The following SNCAIP variants were observed in gnomAD, a reference collection of about 807,000 sequenced individuals.
SNCAIP encodes synphilin-1.
In SNCAIP, 43 loss-of-function variants were observed where a neutral mutation model predicts 86.7. The observed-to-expected ratio is 0.50, with a 90% confidence interval of 0.39 to 0.64. The LOEUF is 0.64. SNCAIP is among the 30% of genes least tolerant of loss of function. SNCAIP has a pLI of 0.00. For synonymous variants in SNCAIP, 417 were observed against 427.2 expected, an observed-to-expected ratio of 0.98 and a Z score of 0.29; for missense variants, 981 against 1,103.1, an observed-to-expected ratio of 0.89 and a Z score of 1.57.
chr5:122,452,903 A>G (rs1783998787), intron 10 of SNCAIP: 1 of 1,505,316 alleles, frequency 6.6e-7, no homozygotes, highest in African/African-American at 1.4e-5. Context: ...TTTTCAGATG[A>G]TTTTTAATTG....
At chr5:122,386,715 C>T (rs1338169363) in intron 1 of SNCAIP, among the ~76,000 whole-genome samples, 3 of 152,080 alleles carry the variant, frequency 2.0e-5, no homozygotes, top group Non-Finnish European at 2.9e-5. Flanking sequence ...TCTTCTTTCC[C>T]TCTCTATCAG....
chr5:122,450,212 A>G (rs1208704537), intron 9 of SNCAIP, among the ~76,000 whole-genome samples: 1 of 152,144 alleles, frequency 6.6e-6, no homozygotes, highest in African/African-American at 2.4e-5. Context: ...TTCATCTGTG[A>G]AGTGGGAATA....
chr5:122,428,574 T>G lies in SNCAIP; in HGVS notation c.1182+3043T>G, dbSNP rs536246896. On this transcript the variant is annotated intron_variant, in intron 5 of 10. Coordinates refer to ENST00000261368, the MANE Select transcript of SNCAIP (RefSeq NM_005460.4). The stretch of plus-strand genomic sequence containing the variant: ...ATGAAACAAGTCTCAATAAGTTTTT[T>G]TTTTTTTACCTTTTATTTTTATTTA... Among the ~76,000 whole-genome samples the G allele has an allele frequency of 1.9e-3, 291 of 151,994 alleles. 2 individuals are homozygous for G. The highest frequency in any genetic ancestry group is 6.7e-3 in the African/African-American group (279 of 41,502).
At chr5:122,461,713 C>G (rs1367013624) in intron 10 of SNCAIP, among the ~76,000 whole-genome samples, 1 of 141,420 alleles carries the variant, frequency 7.1e-6, no homozygotes. Context: ...GAGTCTTGCT[C>G]TGTCACCCAG....
intron 3 of SNCAIP, among the ~76,000 whole-genome samples, chr5:122,414,191 G>A (rs902551642): frequency 1.3e-5 from 2 of 151,782 alleles, no homozygotes; most frequent in African/African-American, 4.8e-5. Flanking sequence ...TGACAGGTCT[G>A]AGCCAGTGCG....
rs1383958811 is a variant in SNCAIP at position 122,451,552 on chromosome 5, A to T, written c.2705A>T (p.Asp902Val). ...TTGACCTCACTTGGGAGGAAGACAG[A>T]TGCCAAGGGAAACCCTGCCAGCTCC... The part of the protein sequence containing the change: ...LPLTSLGRKT[D>V]AKGNPASSAS... The change falls in exon 10 of 11, where the codon GAT (aspartate) becomes GTT (valine). Residue 902 changes from aspartate to valine, a missense_variant. Coordinates refer to ENST00000261368, the MANE Select transcript of SNCAIP (RefSeq NM_005460.4). 6.2e-7 allele frequency: 1 copy of T among 1,613,798 alleles called. No homozygotes were observed. The highest frequency in any genetic ancestry group is 1.3e-5 in the African/African-American group (1 of 75,056).
chr5:122,384,818 T>C (rs1034724585), intron 1 of SNCAIP, among the ~76,000 whole-genome samples: 25 of 152,228 alleles, frequency 1.6e-4, no homozygotes, highest in African/African-American at 5.8e-4. Context: ...CAAGATGTGC[T>C]CTGTGTTCAC....
chr5:122,395,582 C>G (rs1452364282), intron 2 of SNCAIP, among the ~76,000 whole-genome samples: 1 of 152,102 alleles, frequency 6.6e-6, no homozygotes, highest in Non-Finnish European at 1.5e-5. Context: ...AAAATTAATT[C>G]TTATGGTAAA....
chr5:122,450,785 G>A lies in SNCAIP; in HGVS notation c.1938G>A (p.Gln646=). 1.2e-6 allele frequency: 2 copies of A among 1,614,042 alleles called. No homozygotes were observed. Among genetic ancestry groups the A allele is most frequent in the Non-Finnish European group, 1.7e-6 (2 of 1,179,922 alleles). ...TGTCCTTGGAATTCCAGGATGCTCAGGCTTCCTCTAGAAATTCTAAAAAGA... is the reference window on the plus strand; with the variant it reads ...TGTCCTTGGAATTCCAGGATGCTCAAGCTTCCTCTAGAAATTCTAAAAAGA... ...EKLSLEFQDA[Q]ASSRNSKKIP... The change falls in exon 10 of 11, where the codon CAG becomes CAA. Residue 646 remains glutamine (Q), a synonymous_variant. Coordinates refer to ENST00000261368, the MANE Select transcript of SNCAIP (RefSeq NM_005460.4).
intron 3 of SNCAIP, among the ~76,000 whole-genome samples, chr5:122,419,433 T>C (rs1290229882): frequency 6.6e-6 from 1 of 152,230 alleles, no homozygotes; most frequent in Non-Finnish European, 1.5e-5. Context: ...AGCAAATACA[T>C]GTCTGTTTAC....
chr5:122,431,047 A>G (rs1302573154), intron 5 of SNCAIP, among the ~76,000 whole-genome samples: 4 of 152,038 alleles, frequency 2.6e-5, no homozygotes, highest in African/African-American at 4.8e-5. Context: ...TTCTTTGGGG[A>G]TTGGAAAACA....
At chr5:122,443,109 A>G (rs1200893869) in intron 7 of SNCAIP, among the ~76,000 whole-genome samples, 1 of 152,306 alleles carries the variant, frequency 6.6e-6, no homozygotes, top group East Asian at 1.9e-4. Context: ...CCTGTGAGGT[A>G]GGTGGCAATG....
chr5:122,422,910 C>T lies in SNCAIP; in HGVS notation c.173C>T (p.Thr58Ile), dbSNP rs933271713. Residue 58 changes from threonine (T) to isoleucine (I), a missense_variant, in exon 4 of 11, where the codon ACA becomes ATA. Coordinates refer to ENST00000261368, the MANE Select transcript of SNCAIP (RefSeq NM_005460.4). The stretch of plus-strand genomic sequence containing the variant: ...AATTGTGGCATCTCAACTCTTATTA[C>T]AAACACGCAAAAGCCCACAGGAATC... Reference protein sequence around the residue: ...SWNCGISTLITNTQKPTGIAD... With the variant: ...SWNCGISTLIINTQKPTGIAD... 3.7e-6 allele frequency: 6 copies of T among 1,613,944 alleles called. No individual in the cohort carries two copies. The African/African-American group carries it at 6.7e-5, about 18-fold the overall frequency.
rs187795054 is a variant in SNCAIP, at chr5:122,403,853, G to T, written c.118G>T (p.Glu40Ter). Residue 40 changes from glutamate (E) to a stop codon, truncating the protein, a stop_gained, in exon 3 of 11, where the codon GAA (glutamate) becomes TAA (stop). Transcript: ENST00000261368. LOFTEE classifies it high-confidence loss of function. The stretch of plus-strand genomic sequence containing the variant: ...GTGCCGAAGATGTGATACGCAAAAC[G>T]AAGACAGATCAGGTAGGTTTTGCTC... The part of the protein sequence containing the change: ...ELCRRCDTQN[E>*]DRSVSSSSWN... The T allele has an allele frequency of 6.2e-7, 1 of 1,613,354 alleles. No homozygotes were observed. Among genetic ancestry groups the T allele is most frequent in the African/African-American group, 1.3e-5 (1 of 74,982 alleles).
At chr5:122,416,509 T>C (rs1775339697) in intron 3 of SNCAIP, among the ~76,000 whole-genome samples, 1 of 152,142 alleles carries the variant, frequency 6.6e-6, no homozygotes, top group South Asian at 2.1e-4. Flanking sequence ...CACTTTTGCT[T>C]TTCCCAAGAC....
chr5:122,383,249 C>T (rs917989424), intron 1 of SNCAIP, among the ~76,000 whole-genome samples: 2 of 152,192 alleles, frequency 1.3e-5, no homozygotes, highest in African/African-American at 4.8e-5. Context: ...CGTGATGCGC[C>T]GTTTTTTAAG....
rs989161555 is a variant in SNCAIP at position 122,402,365 on chromosome 5, T to C, written c.58-1428T>C. ...GGAAAAAAATACTTACAGGTTAATT[T>C]TGGGTTTAAGAGGTAGTCATCCCTC... is the stretch of plus-strand genomic sequence containing the variant. On this transcript the variant is annotated intron_variant, in intron 2 of 10. Coordinates refer to ENST00000261368, the MANE Select transcript of SNCAIP (RefSeq NM_005460.4). Among the ~76,000 whole-genome samples, 2 of 152,124 alleles carry C rather than the reference T, an allele frequency of 1.3e-5. 1 individual carries two copies. The highest frequency in any genetic ancestry group is 4.1e-4 in the South Asian group (2 of 4,820).
intron 5 of SNCAIP, among the ~76,000 whole-genome samples, chr5:122,425,751 A>C (rs1241482560): frequency 6.6e-6 from 1 of 152,246 alleles, no homozygotes; most frequent in East Asian, 1.9e-4. Flanking sequence ...AAGAGAAAGG[A>C]AAATGATATG....
At chr5:122,404,895 T>TTG (rs1234200570) in intron 3 of SNCAIP, among the ~76,000 whole-genome samples, 1 of 152,216 alleles carries the variant, frequency 6.6e-6, no homozygotes, top group Non-Finnish European at 1.5e-5. Context: ...TGGTGTTTTT[T>TTG]TGTGTGTGTG....
Sources: gnomAD v4.1 joint callset for allele counts (sites outside exome capture counted in the v4.1 genomes callset) on GRCh38, gnomAD v4.1.1 for gene constraint, MANE v1.5 for transcripts, NCBI Gene and HGNC (gene_info 2026-07-23, HGNC 2026-07-21) for gene names.